The following CSMD1 variants were observed in gnomAD, a reference collection of about 807,000 sequenced individuals.
CSMD1 encodes CUB and sushi domain-containing protein 1.
A neutral mutation model predicts 417.5 loss-of-function variants in CSMD1; 213 were observed. The ratio of observed to expected loss-of-function variants is 0.51; its 90% confidence interval spans 0.46 to 0.57. The LOEUF (loss-of-function observed/expected upper bound fraction) is 0.57. Among genes scored for constraint, CSMD1 ranks in the 20% least tolerant of loss-of-function variants. The pLI, the probability that CSMD1 is intolerant of heterozygous loss-of-function variation, is 0.00. For missense variants in CSMD1, 6,923 were observed against 4,529.7 expected (o/e 1.53, Z -15.17); for synonymous variants, 2,862 against 1,736.8 (o/e 1.65, Z -16.11).
Position 4,700,840 on chromosome 8 carries a change from A to G in CSMD1, c.86-63282T>C, listed in dbSNP as rs185594692. On this transcript the variant is annotated intron_variant, in intron 1 of 69. Coordinates refer to ENST00000635120, the MANE Select transcript of CSMD1 (RefSeq NM_033225.6). ...AGCATGAAAAAAAGGTAACAGCAAGAATAGGAAGAAAGGATGAAGAACAAT... is the reference window on the plus strand; with the variant it reads ...AGCATGAAAAAAAGGTAACAGCAAGGATAGGAAGAAAGGATGAAGAACAAT... 4.1e-4 allele frequency among the ~76,000 whole-genome samples: 63 copies of G among 152,292 alleles called. 2 individuals carry two copies. The highest frequency in any genetic ancestry group is 3.4e-3 in the Middle Eastern group (1 of 294).
chr8:3,295,217 C>T (rs145795904), intron 25 of CSMD1, among the ~76,000 whole-genome samples: 235 of 152,096 alleles, frequency 1.5e-3, no homozygotes, highest in African/African-American at 4.7e-3. Context: ...CTCTGCCACC[C>T]GGGTTCATGC....
At chr8:4,994,127 G>A (rs1185243091) in intron 1 of CSMD1, among the ~76,000 whole-genome samples, 2 of 152,274 alleles carry the variant, frequency 1.3e-5, no homozygotes, top group East Asian at 3.9e-4. Context: ...GGAATGGCGG[G>A]GTGGGGCGGG....
intron 32 of CSMD1, among the ~76,000 whole-genome samples, chr8:3,200,360 G>C (rs1196223471): frequency 6.6e-6 from 1 of 151,872 alleles, no homozygotes; most frequent in Non-Finnish European, 1.5e-5. Flanking sequence ...TTTGAGACCA[G>C]CCTGGCCAAC....
chr8:3,369,254 C>G lies in CSMD1; in HGVS notation c.2899G>C (p.Gly967Arg). ...TTTGAGACCTATGATAGATTCTTAC[C>G]TTTCCCATGAGACACTTCAATGGTC... is the stretch of plus-strand genomic sequence containing the variant. ...TWTIEVSHGK[G>R]VQMIFHTFHL... The change falls in exon 19 of 70, where the codon GGA (glycine) becomes CGA (arginine). Residue 967 changes from glycine (G) to arginine (R), a missense_variant and splice_region_variant. Physicochemically the swap from Gly to Arg is moderately radical, Grantham distance 125. Coordinates refer to ENST00000635120, the MANE Select transcript of CSMD1 (RefSeq NM_033225.6). 6.8e-7 allele frequency: 1 copy of G among 1,469,974 alleles called. No individual in the cohort carries two copies. The highest frequency in any genetic ancestry group is 9.5e-7 in the Non-Finnish European group (1 of 1,051,378). 91.1% of individuals were successfully genotyped at this position (1,469,974 alleles called of 1,614,324 possible).
rs531359408 is a variant in CSMD1 at position 3,242,516 on chromosome 8, G to T, written c.4154-12285C>A. Among the ~76,000 whole-genome samples, 12 of 152,100 alleles carry T rather than the reference G, an allele frequency of 7.9e-5. No homozygotes were observed. The East Asian group carries it at 2.1e-3, about 27-fold the overall frequency. On this transcript the variant is annotated intron_variant, in intron 26 of 69. Transcript: ENST00000635120. ...TGCCAAGAATTATTTAGATCTTGCA[G>T]GGTGGAAAAATTGAAAGTGCCATTT...
At chr8:3,901,183 G>T (rs956032666) in intron 5 of CSMD1, among the ~76,000 whole-genome samples, 4 of 152,276 alleles carry the variant, frequency 2.6e-5, no homozygotes, top group East Asian at 3.9e-4. Flanking sequence ...CAAAAGCAGA[G>T]AATTTATTGA....
rs71534374 is a variant in CSMD1 at position 3,948,891 on chromosome 8, AT to A, written c.818+49011del. On this transcript the variant is annotated intron_variant, in intron 5 of 69. Transcript: ENST00000635120. ...TATTCAGAAACTAACAAAAAAGGAG[AT>A]TTTTTTTTTCAGAACACTGACTGGT... Among the ~76,000 whole-genome samples the A allele has an allele frequency of 3.5e-3, 520 of 150,458 alleles. 6 individuals are homozygous for A. The highest frequency in any genetic ancestry group is 0.011 in the African/African-American group (465 of 41,080).
intron 12 of CSMD1, among the ~76,000 whole-genome samples, chr8:3,413,393 A>G (rs1329013113): frequency 6.6e-6 from 1 of 152,154 alleles, no homozygotes; most frequent in African/African-American, 2.4e-5. Flanking sequence ...AGCTGATCCC[A>G]CCAAAGAGGC....
In CSMD1 at chr8:3,214,160, T is replaced by C. The variant is rs552939975; in HGVS notation, c.4867+337A>G. Among the ~76,000 whole-genome samples the C allele has an allele frequency of 3.7e-4, 56 of 152,078 alleles. 1 individual carries two copies. The highest frequency in any genetic ancestry group is 8.1e-4 in the Non-Finnish European group (55 of 67,978). On this transcript the variant is annotated intron_variant, in intron 30 of 69. Coordinates refer to ENST00000635120, the MANE Select transcript of CSMD1 (RefSeq NM_033225.6). Reference sequence around the variant, plus strand: ...CGCCCGGCTAGAAGTAAGTATTTTATATATGGAGAGAGAGAGAGAGAGAAG... The same window carrying C: ...CGCCCGGCTAGAAGTAAGTATTTTACATATGGAGAGAGAGAGAGAGAGAAG...
intron 37 of CSMD1, among the ~76,000 whole-genome samples, chr8:3,168,000 T>G (rs1239606402): frequency 1.3e-5 from 2 of 152,046 alleles, no homozygotes; most frequent in African/African-American, 4.8e-5. Flanking sequence ...CTTGGGCAAT[T>G]TTCCTCAACT....
chr8:4,905,937 G>T (rs1362122999), intron 1 of CSMD1, among the ~76,000 whole-genome samples: 1 of 151,728 alleles, frequency 6.6e-6, no homozygotes, highest in Non-Finnish European at 1.5e-5. Context: ...ACCAGTCCCA[G>T]TTTCCCAAAC....
intron 1 of CSMD1, among the ~76,000 whole-genome samples, chr8:4,796,043 T>C (rs1797963723): frequency 6.6e-6 from 1 of 152,136 alleles, no homozygotes; most frequent in African/African-American, 2.4e-5. Context: ...ATTTAAAATG[T>C]AACACTCACC....
chr8:4,161,988 T>C (rs575130117), intron 3 of CSMD1, among the ~76,000 whole-genome samples: 7 of 152,318 alleles, frequency 4.6e-5, no homozygotes, highest in Non-Finnish European at 1.0e-4. Flanking sequence ...TATGGTGGCA[T>C]TGTGCCTTTG....
chr8:3,182,744 A>C (rs1821442870), intron 36 of CSMD1, among the ~76,000 whole-genome samples: 1 of 108,636 alleles, frequency 9.2e-6, no homozygotes, highest in Admixed American at 9.8e-5. Context: ...TCTTTATAAG[A>C]AGCTCTGTGT....
At chr8:4,405,062 C>G (rs991055668) in intron 3 of CSMD1, among the ~76,000 whole-genome samples, 1 of 152,212 alleles carries the variant, frequency 6.6e-6, no homozygotes, top group Non-Finnish European at 1.5e-5. Flanking sequence ...GACACTTTCT[C>G]AAATCAATGC....
chr8:4,386,480 C>G (rs1412358504), intron 3 of CSMD1, among the ~76,000 whole-genome samples: 1 of 152,242 alleles, frequency 6.6e-6, no homozygotes, highest in African/African-American at 2.4e-5. Context: ...ACCACCTTAT[C>G]TCCCAGTCTC....
chr8:3,668,345 G>T (rs553880573), intron 7 of CSMD1, among the ~76,000 whole-genome samples: 1 of 152,258 alleles, frequency 6.6e-6, no homozygotes, highest in Non-Finnish European at 1.5e-5. Flanking sequence ...CAGGCCCTGG[G>T]CTGTGCATGA....
intron 3 of CSMD1, among the ~76,000 whole-genome samples, chr8:4,362,507 C>T (rs1056891324): frequency 6.6e-6 from 1 of 152,144 alleles, no homozygotes; most frequent in South Asian, 2.1e-4. Context: ...CATTTGTCTG[C>T]TTAATTTGTG....
At chr8:3,036,327 ATCT>A (rs1810672994) in intron 50 of CSMD1, among the ~76,000 whole-genome samples, 1 of 152,138 alleles carries the variant, frequency 6.6e-6, no homozygotes, top group Non-Finnish European at 1.5e-5. Context: ...CTTATCATAA[ATCT>A]TCTGTGATAT....
Sources: allele counts gnomAD v4.1 joint callset (sites outside exome capture counted in the v4.1 genomes callset), GRCh38; gene constraint gnomAD v4.1.1; transcripts MANE v1.5; gene names NCBI Gene and HGNC (gene_info 2026-07-23, HGNC 2026-07-21).